Variants in APBB2 observed in about 807,000 individuals in gnomAD.
APBB2 encodes amyloid beta precursor protein binding family B member 2.
Under a neutral mutation model 82.5 loss-of-function variants are expected in APBB2, and 38 were observed. That is an observed-to-expected ratio of 0.46 (90% CI 0.36 to 0.60). APBB2 has a LOEUF of 0.60. APBB2 is among the 20% of genes least tolerant of loss of function. The pLI, the probability that APBB2 is intolerant of heterozygous loss-of-function variation, is 0.00. For synonymous variants in APBB2, 341 were observed against 368.2 expected (o/e 0.93, Z 0.85); for missense variants, 772 against 972.3 (o/e 0.79, Z 2.74).
At position 41,143,159 on chromosome 4, in the gene APBB2, CAGA is replaced by C. The variant is rs1425299747; in HGVS notation, c.-416-20_-416-18del. The C allele has an allele frequency of 2.0e-5, 3 of 152,220 alleles. No individual in the cohort carries two copies. Among genetic ancestry groups the C allele is most frequent in the African/African-American group, 7.2e-5 (3 of 41,424 alleles). 9.4% of individuals were successfully genotyped at this position (152,220 alleles called of 1,614,324 possible). On this transcript the variant is annotated intron_variant, in intron 1 of 17. Transcript: ENST00000508593. ...AACTCCAACCTGGGGGGGCAAAGGCCAGAAGCCATTATAAGGACTCAAAGTCAT... is the reference window on the plus strand; with the variant it reads ...AACTCCAACCTGGGGGGGCAAAGGCCAGCCATTATAAGGACTCAAAGTCAT...
At chr4:41,141,733 T>C (rs1214795860) in intron 2 of APBB2, among the ~76,000 whole-genome samples, 2 of 152,178 alleles carry the variant, frequency 1.3e-5, no homozygotes, top group African/African-American at 4.8e-5. Context: ...GAGGAGCTAG[T>C]CATGTCTTGC....
chr4:40,917,750 T>C (rs776945683), intron 10 of APBB2, among the ~76,000 whole-genome samples: 50 of 152,160 alleles, frequency 3.3e-4, no homozygotes, highest in African/African-American at 1.2e-3. Flanking sequence ...ATCAAAGAAG[T>C]AGAAGCTTTG....
chr4:40,954,070 G>T (rs1397795697), intron 6 of APBB2, among the ~76,000 whole-genome samples: 7 of 152,164 alleles, frequency 4.6e-5, no homozygotes, highest in African/African-American at 1.7e-4. Context: ...TAGGGGCCTG[G>T]CTTCTGAACA....
intron 1 of APBB2, among the ~76,000 whole-genome samples, chr4:41,171,053 C>T (rs1238214222): frequency 1.3e-5 from 2 of 152,296 alleles, no homozygotes; most frequent in Non-Finnish European, 2.9e-5. Context: ...CTAACCAACT[C>T]GCTACGTCAG....
intron 5 of APBB2, among the ~76,000 whole-genome samples, chr4:41,023,066 C>T (rs568028709): frequency 6.8e-6 from 1 of 147,922 alleles, no homozygotes; most frequent in East Asian, 1.9e-4. Flanking sequence ...TAAATTCTTA[C>T]TCAACTCTAC....
chr4:41,043,212 T>C (rs1876494), intron 4 of APBB2, among the ~76,000 whole-genome samples: 149,084 of 152,266 alleles, frequency 0.98, 73,053 homozygotes, highest in East Asian at 1. Context: ...AAATAAGCAG[T>C]ATTATTTCTA....
At chr4:40,981,262 G>A (rs13106895) in intron 6 of APBB2, among the ~76,000 whole-genome samples, 58,405 of 151,802 alleles carry the variant, frequency 0.38, 12,300 homozygotes, top group East Asian at 0.71. Flanking sequence ...AATTAGCTGG[G>A]TGTGGTAGCA....
At chr4:41,144,343 G>T (rs776301159) in intron 1 of APBB2, among the ~76,000 whole-genome samples, 4 of 152,172 alleles carry the variant, frequency 2.6e-5, no homozygotes, top group Non-Finnish European at 4.4e-5. Context: ...TATATGTATG[G>T]TATGATCCCA....
At chr4:40,871,579 G>A (rs138562878) in intron 12 of APBB2, among the ~76,000 whole-genome samples, 66 of 152,274 alleles carry the variant, frequency 4.3e-4, no homozygotes, top group African/African-American at 1.4e-3. Context: ...TTTCAGACAC[G>A]GTTCAGCCAC....
At chr4:40,926,826 T>A (rs1476636033) in intron 10 of APBB2, among the ~76,000 whole-genome samples, 1 of 152,264 alleles carries the variant, frequency 6.6e-6, no homozygotes, top group East Asian at 1.9e-4. Flanking sequence ...AGTTACTAGC[T>A]GTGTGATAAA....
At chr4:41,020,254 T>G (rs1275058239) in intron 5 of APBB2, among the ~76,000 whole-genome samples, 1 of 152,154 alleles carries the variant, frequency 6.6e-6, no homozygotes, top group East Asian at 1.9e-4. Context: ...CTATCAAAAA[T>G]CCTTAACCCT....
intron 1 of APBB2, among the ~76,000 whole-genome samples, chr4:41,146,932 C>A (rs1372139561): frequency 6.6e-6 from 1 of 152,182 alleles, no homozygotes. Flanking sequence ...TGGCTCTGTC[C>A]CGCCTCAACT....
chr4:40,843,485 G>GC (rs1486770933), intron 12 of APBB2, among the ~76,000 whole-genome samples: 6 of 152,172 alleles, frequency 3.9e-5, no homozygotes, highest in Non-Finnish European at 7.4e-5. Flanking sequence ...CAAAATGTTT[G>GC]CATGTGTATT....
chr4:40,972,296 CGG>C (rs1796115944), intron 6 of APBB2, among the ~76,000 whole-genome samples: 1 of 151,810 alleles, frequency 6.6e-6, no homozygotes, highest in South Asian at 2.1e-4. Flanking sequence ...GGCGTGGTGG[CGG>C]GCGCCTGTAA....
chr4:40,907,701 G>T (rs1260481061), intron 10 of APBB2, among the ~76,000 whole-genome samples: 1 of 124,074 alleles, frequency 8.1e-6, no homozygotes, highest in South Asian at 2.6e-4. Context: ...TTGAGACAGG[G>T]TCTTGCTCTG....
chr4:41,050,334 GT>G (rs1263050015), intron 4 of APBB2, among the ~76,000 whole-genome samples: 2 of 152,196 alleles, frequency 1.3e-5, no homozygotes, highest in Admixed American at 1.3e-4. Flanking sequence ...TGCCTCATTT[GT>G]GTGTCACAAC....
At chr4:41,121,788 G>A (rs1001675649) in intron 2 of APBB2, among the ~76,000 whole-genome samples, 6 of 152,232 alleles carry the variant, frequency 3.9e-5, no homozygotes, top group Non-Finnish European at 7.4e-5. Context: ...GGAGGAGCTT[G>A]GCTATTACTA....
intron 1 of APBB2, among the ~76,000 whole-genome samples, chr4:41,166,796 T>G (rs534358840): frequency 2.6e-5 from 4 of 151,332 alleles, no homozygotes; most frequent in African/African-American, 9.7e-5. Context: ...ACTCAGGAGG[T>G]TGATGCAGGA....
At chr4:40,841,751 TC>T (rs1295124755) in intron 12 of APBB2, among the ~76,000 whole-genome samples, 1 of 152,214 alleles carries the variant, frequency 6.6e-6, no homozygotes, top group Non-Finnish European at 1.5e-5. Context: ...CCATCTTGGC[TC>T]ACCGCAACCA....
Sources: gnomAD v4.1 joint callset for allele counts (sites outside exome capture counted in the v4.1 genomes callset) on GRCh38, gnomAD v4.1.1 for gene constraint, MANE v1.5 for transcripts, NCBI Gene and HGNC (gene_info 2026-07-23, HGNC 2026-07-21) for gene names.